CTNNA1: variants seen among roughly 807,000 people sequenced by gnomAD.
CTNNA1 encodes catenin alpha 1.
CTNNA1 carries 37 observed loss-of-function variants against 98.4 expected under a neutral mutation model. The observed-to-expected ratio is 0.38, with a 90% confidence interval of 0.29 to 0.49. CTNNA1 has a LOEUF of 0.49. CTNNA1 is among the 20% of genes least tolerant of loss of function. The pLI, the probability that CTNNA1 is intolerant of heterozygous loss-of-function variation, is 0.95. For synonymous variants in CTNNA1, 404 were observed against 413.2 expected (o/e 0.98, Z 0.27); for missense variants, 761 against 1,147.2 (o/e 0.66, Z 4.86).
intron 14 of CTNNA1, among the ~76,000 whole-genome samples, chr5:138,929,729 A>T (rs1200839924): frequency 1.3e-5 from 2 of 152,238 alleles, no homozygotes; most frequent in African/African-American, 4.8e-5. Context: ...TCATGGGTTT[A>T]AAAAATAACA....
At chr5:138,793,154 C>T (rs1267147125) in intron 3 of CTNNA1, among the ~76,000 whole-genome samples, 1 of 152,266 alleles carries the variant, frequency 6.6e-6, no homozygotes, top group East Asian at 1.9e-4. Flanking sequence ...TCCATTTTTT[C>T]TTGTTCTTCA....
At chr5:138,901,553 T>A (rs1758034374) in intron 9 of CTNNA1, among the ~76,000 whole-genome samples, 1 of 150,898 alleles carries the variant, frequency 6.6e-6, no homozygotes, top group Non-Finnish European at 1.5e-5. Flanking sequence ...GCCTTCCAAT[T>A]AGCTGGGACT....
intron 7 of CTNNA1, among the ~76,000 whole-genome samples, chr5:138,834,104 A>G (rs995176): frequency 0.012 from 1,781 of 152,304 alleles, 29 homozygotes; most frequent in African/African-American, 0.041. Flanking sequence ...GAAGCACTCA[A>G]TTTAGATGTT....
intron 1 of CTNNA1, among the ~76,000 whole-genome samples, chr5:138,759,377 C>T (rs776341931): frequency 1.2e-4 from 18 of 152,184 alleles, no homozygotes; most frequent in Non-Finnish European, 2.4e-4. Flanking sequence ...TTTCCCTGGG[C>T]GCATGCACCA....
chr5:138,879,171 TAAAAAAA>T lies in CTNNA1; in HGVS notation c.1063-7022_1063-7016del, dbSNP rs35271091. ...GGGTGACAGAGTGAGACTCCGTCTT[TAAAAAAA>T]AAAAAAAAAAAAAAAAAAGCCATTT... On this transcript the variant is annotated intron_variant, in intron 7 of 17. Transcript: ENST00000302763. Among the ~76,000 whole-genome samples the T allele has an allele frequency of 2.0e-3, 163 of 80,324 alleles. 2 individuals are homozygous for T. Among genetic ancestry groups the T allele is most frequent in the South Asian group, 5.4e-3 (9 of 1,658 alleles). The allele number at this position is 80,324 out of a possible 152,430, so 52.7% of individuals were successfully genotyped here. A position where few individuals can be genotyped will look rare whatever the true frequency, so the allele number is the denominator to read the frequency against.
intron 9 of CTNNA1, among the ~76,000 whole-genome samples, chr5:138,899,144 T>G (rs1757510637): frequency 6.6e-6 from 1 of 152,244 alleles, no homozygotes; most frequent in Non-Finnish European, 1.5e-5. Context: ...ATTATGGATC[T>G]GATTACACAG....
At chr5:138,890,295 A>C (rs894008609) in intron 9 of CTNNA1, among the ~76,000 whole-genome samples, 1 of 152,104 alleles carries the variant, frequency 6.6e-6, no homozygotes, top group Admixed American at 6.5e-5. Context: ...TTCTGATGCT[A>C]ATCACCAGAA....
intron 7 of CTNNA1, among the ~76,000 whole-genome samples, chr5:138,878,177 T>A (rs116775683): frequency 0.016 from 2,508 of 152,300 alleles, 79 homozygotes; most frequent in African/African-American, 0.056. Context: ...TGCAGTATCA[T>A]GGTGCCCAGA....
intron 1 of CTNNA1, among the ~76,000 whole-genome samples, chr5:138,765,009 GATT>G (rs1362879116): frequency 1.3e-5 from 2 of 151,488 alleles, no homozygotes; most frequent in Non-Finnish European, 2.9e-5. Context: ...GAGTATCTGG[GATT>G]ACAGGTGCCT....
intron 7 of CTNNA1, among the ~76,000 whole-genome samples, chr5:138,856,249 A>G (rs1259594545): frequency 6.6e-6 from 1 of 152,190 alleles, no homozygotes; most frequent in African/African-American, 2.4e-5. Context: ...AACGTAACAA[A>G]TTAAACCTTA....
intron 3 of CTNNA1, among the ~76,000 whole-genome samples, chr5:138,808,871 T>C (rs1758381817): frequency 6.6e-6 from 1 of 152,064 alleles, no homozygotes; most frequent in Admixed American, 6.6e-5. Context: ...CACTGGCCCT[T>C]TAGTTGCTTC....
At chr5:138,778,296 T>C (rs1007990647) in intron 1 of CTNNA1, among the ~76,000 whole-genome samples, 1 of 152,140 alleles carries the variant, frequency 6.6e-6, no homozygotes, top group African/African-American at 2.4e-5. Context: ...GCCCGGCTGC[T>C]TTGACATTTT....
At chr5:138,832,906 A>G (rs183742163) in intron 7 of CTNNA1, among the ~76,000 whole-genome samples, 44 of 152,330 alleles carry the variant, frequency 2.9e-4, no homozygotes, top group African/African-American at 9.6e-4. Flanking sequence ...ACTGAGAAAG[A>G]CTTCTGAAGG....
chr5:138,907,509 G>A (rs189588494), intron 10 of CTNNA1, among the ~76,000 whole-genome samples: 3 of 152,240 alleles, frequency 2.0e-5, no homozygotes, highest in Admixed American at 6.5e-5. Context: ...TCAAGGAAGC[G>A]AAGGGCTGTC....
At chr5:138,850,230 T>C (rs1014074229) in intron 7 of CTNNA1, among the ~76,000 whole-genome samples, 1 of 152,262 alleles carries the variant, frequency 6.6e-6, no homozygotes, top group African/African-American at 2.4e-5. Flanking sequence ...GCTCTCCCTG[T>C]CTTCTATCTT....
chr5:138,763,623 A>G (rs1171869273), intron 1 of CTNNA1, among the ~76,000 whole-genome samples: 1 of 152,220 alleles, frequency 6.6e-6, no homozygotes, highest in Non-Finnish European at 1.5e-5. Flanking sequence ...GATTACAGGC[A>G]TGTGCCACTG....
At chr5:138,926,804 A>G (rs1203118240) in intron 13 of CTNNA1, among the ~76,000 whole-genome samples, 1 of 152,064 alleles carries the variant, frequency 6.6e-6, no homozygotes, top group Non-Finnish European at 1.5e-5. Context: ...AGCCTGTGAA[A>G]CACGGGTGTG....
chr5:138,871,120 T>C (rs1007609344), intron 7 of CTNNA1: 2 of 152,200 alleles, frequency 1.3e-5, no homozygotes, highest in Non-Finnish European at 2.9e-5. Context: ...GATTAAATCT[T>C]ACTGGCTAAA....
chr5:138,839,207 T>C (rs1335905988), intron 7 of CTNNA1, among the ~76,000 whole-genome samples: 1 of 152,168 alleles, frequency 6.6e-6, no homozygotes, highest in Non-Finnish European at 1.5e-5. Context: ...TGACAAATAA[T>C]ATGTATTCTG....
Sources: allele counts gnomAD v4.1 joint callset (sites outside exome capture counted in the v4.1 genomes callset), GRCh38; gene constraint gnomAD v4.1.1; transcripts MANE v1.5; gene names NCBI Gene and HGNC (gene_info 2026-07-23, HGNC 2026-07-21).